The following CPVL variants were observed in gnomAD, a reference collection of about 807,000 sequenced individuals.
CPVL encodes carboxypeptidase vitellogenic like.
A neutral mutation model predicts 63.7 loss-of-function variants in CPVL; 51 were observed. That is an observed-to-expected ratio of 0.80 (90% CI 0.64 to 1.01). CPVL has a LOEUF of 1.01. Among genes scored for constraint, CPVL ranks in the 50% least tolerant of loss-of-function variants. The pLI, the probability that CPVL is intolerant of heterozygous loss-of-function variation, is 0.00. For missense variants in CPVL, 530 were observed against 573.1 expected, an observed-to-expected ratio of 0.92 and a Z score of 0.77; for synonymous variants, 195 against 206.0, an observed-to-expected ratio of 0.95 and a Z score of 0.46.
At chr7:29,041,950 C>T (rs1452898941) in intron 11 of CPVL, among the ~76,000 whole-genome samples, 1 of 151,950 alleles carries the variant, frequency 6.6e-6, no homozygotes, top group Non-Finnish European at 1.5e-5. Flanking sequence ...TTTCATGTGC[C>T]TTCTAGAAAA....
intron 5 of CPVL, among the ~76,000 whole-genome samples, chr7:29,171,467 G>A (rs560603549): frequency 6.6e-6 from 1 of 152,278 alleles, no homozygotes; most frequent in African/African-American, 2.4e-5. Context: ...TAAACTAATA[G>A]GGTGGGGATC....
At chr7:29,042,117 C>T (rs1250903996) in intron 11 of CPVL, among the ~76,000 whole-genome samples, 4 of 151,998 alleles carry the variant, frequency 2.6e-5, no homozygotes, top group Non-Finnish European at 4.4e-5. Flanking sequence ...CTCGGAGGAG[C>T]GGTCTGCGGT....
At chr7:29,065,781 A>ATC (rs1324379921) in intron 10 of CPVL, among the ~76,000 whole-genome samples, 13 of 152,206 alleles carry the variant, frequency 8.5e-5, no homozygotes, top group African/African-American at 3.1e-4. Context: ...CTTGGGGGAA[A>ATC]TCATGTTCAT....
At chr7:29,070,017 T>C (rs1783586193) in intron 9 of CPVL, among the ~76,000 whole-genome samples, 1 of 152,208 alleles carries the variant, frequency 6.6e-6, no homozygotes, top group Non-Finnish European at 1.5e-5. Context: ...TCCTTTGCAG[T>C]CACTGAAACA....
chr7:29,005,432 CTTCT>C (rs1040934072), intron 12 of CPVL, among the ~76,000 whole-genome samples: 3 of 152,162 alleles, frequency 2.0e-5, no homozygotes, highest in Non-Finnish European at 4.4e-5. Flanking sequence ...CTTTTCCAGG[CTTCT>C]TTGATTTCCC....
intron 1 of CPVL, chr7:29,127,039 G>A (rs994201428): frequency 3.9e-5 from 6 of 152,252 alleles, no homozygotes; most frequent in East Asian, 3.9e-4. Context: ...TCTCTCTAAC[G>A]AATTAGTCAT....
At chr7:29,074,296 G>A (rs568205429) in intron 7 of CPVL, among the ~76,000 whole-genome samples, 1 of 152,278 alleles carries the variant, frequency 6.6e-6, no homozygotes, top group Admixed American at 6.5e-5. Context: ...ATTCATACTT[G>A]TAAGTACATT....
upstream of CPVL, chr7:29,147,045 G>T: frequency 6.6e-7 from 1 of 1,525,478 alleles, no homozygotes; most frequent in Admixed American, 2.0e-5. Context: ...GATGTGTTCT[G>T]TACCATTATA....
intron 7 of CPVL, among the ~76,000 whole-genome samples, chr7:29,080,509 G>C (rs1189335771): frequency 6.9e-6 from 1 of 145,140 alleles, no homozygotes; most frequent in Non-Finnish European, 1.5e-5. Context: ...AGTGAGCTGA[G>C]ATGGCAATGC....
At chr7:29,023,222 T>A (rs1326261817) in intron 12 of CPVL, among the ~76,000 whole-genome samples, 1 of 152,194 alleles carries the variant, frequency 6.6e-6, no homozygotes, top group African/African-American at 2.4e-5. Context: ...TACCTGAGAC[T>A]GGGTAATTTA....
At chr7:29,147,635 A>G (rs940041), upstream of CPVL, among the ~76,000 whole-genome samples, 14,601 of 152,140 alleles carry the variant, frequency 0.096, 1,601 homozygotes, top group African/African-American at 0.24. Context: ...ATTCTTTGCT[A>G]TCATACCTTC....
intron 12 of CPVL, among the ~76,000 whole-genome samples, chr7:29,018,242 T>C (rs1786610835): frequency 6.6e-6 from 1 of 152,046 alleles, no homozygotes; most frequent in African/African-American, 2.4e-5. Flanking sequence ...ATAAAGATAT[T>C]TTCAATAAAA....
At position 29,090,920 on chromosome 7, in the gene CPVL, G is replaced by C. The variant is rs548732869; in HGVS notation, c.542+1703C>G. ...TGGTTTTCAAAGGGAGAAAATGAAAGCTCCACTCTTTAAACCTGTAGTAGC... is the reference window on the plus strand; with the variant it reads ...TGGTTTTCAAAGGGAGAAAATGAAACCTCCACTCTTTAAACCTGTAGTAGC... On this transcript the variant is annotated intron_variant, in intron 6 of 12. Coordinates refer to ENST00000265394, the MANE Select transcript of CPVL (RefSeq NM_031311.5). 1.0e-3 allele frequency among the ~76,000 whole-genome samples: 155 copies of C among 152,296 alleles called. 1 individual carries two copies. Among genetic ancestry groups the C allele is most frequent in the Non-Finnish European group, 2.8e-4 (19 of 68,012 alleles).
At position 29,056,531 on chromosome 7, in the gene CPVL, T is replaced by C. The variant is rs1041118172; in HGVS notation, c.1137+7530A>G. Among the ~76,000 whole-genome samples the C allele has an allele frequency of 9.2e-5, 14 of 152,352 alleles. 1 individual carries two copies. The South Asian group carries it at 2.5e-3, about 27-fold the overall frequency. On this transcript the variant is annotated intron_variant, in intron 11 of 12. Transcript: ENST00000265394. ...TCATGGCTTGATAGCTCGTTTTTTT[T>C]AGCACTGAATAAAATTTCATTGTCT...
At chr7:28,996,621 G>C (rs572863614) in intron 12 of CPVL, among the ~76,000 whole-genome samples, 1 of 151,202 alleles carries the variant, frequency 6.6e-6, no homozygotes, top group East Asian at 1.9e-4. Context: ...GCAGCATAGA[G>C]TTAGAACATT....
In CPVL at chr7:29,146,418, GCGGCACTTACGCGGCGCAGT is replaced by G. The variant is rs1792657213; in HGVS notation, c.-20_-11+10del. On this transcript the variant is annotated splice_donor_variant and splice_donor_5th_base_variant and 5_prime_UTR_variant and intron_variant, in exon 1 of 13. Transcript: ENST00000265394. LOFTEE classifies it low-confidence loss of function (5UTR_SPLICE). ...AGCTGGCACGACCCACGCAGGGCAG[GCGGCACTTACGCGGCGCAGT>G]CGGTGCTCCTCCCTGAGCCGCGGCG... 4.7e-6 allele frequency: 5 copies of G among 1,053,044 alleles called. No homozygotes were observed. Among genetic ancestry groups the G allele is most frequent in the Non-Finnish European group, 5.3e-6 (4 of 754,776 alleles). 65.2% of individuals were successfully genotyped at this position (1,053,044 alleles called of 1,614,324 possible).
At chr7:29,096,570 T>C (rs1786421994) in intron 3 of CPVL, 1 of 280,454 alleles carries the variant, frequency 3.6e-6, no homozygotes, top group Non-Finnish European at 6.8e-6. Flanking sequence ...TAAACTAAAA[T>C]TTGGGACTCT....
chr7:28,996,724 C>A (rs980107488), intron 12 of CPVL, among the ~76,000 whole-genome samples: 1 of 152,110 alleles, frequency 6.6e-6, no homozygotes, highest in African/African-American at 2.4e-5. Flanking sequence ...CATGAACTTT[C>A]ACTTTACTTG....
intron 11 of CPVL, among the ~76,000 whole-genome samples, chr7:29,057,448 ATCTTC>A (rs1790853651): frequency 6.6e-6 from 1 of 152,162 alleles, no homozygotes; most frequent in South Asian, 2.1e-4. Flanking sequence ...TCTGTGGCTT[ATCTTC>A]TCATTTACTT....
Sources: allele counts gnomAD v4.1 joint callset (sites outside exome capture counted in the v4.1 genomes callset), GRCh38; gene constraint gnomAD v4.1.1; transcripts MANE v1.5; gene names NCBI Gene and HGNC (gene_info 2026-07-23, HGNC 2026-07-21).